Variants in ANXA10 observed in about 807,000 individuals in gnomAD.
ANXA10 encodes annexin 14.
A neutral mutation model predicts 53.5 loss-of-function variants in ANXA10; 49 were observed. The observed-to-expected ratio is 0.92, with a 90% confidence interval of 0.73 to 1.16. The LOEUF (loss-of-function observed/expected upper bound fraction) is 1.16. ANXA10 is among the 50% of genes most tolerant of loss of function. The probability of loss-of-function intolerance (pLI) is 0.00; values close to 1 mark genes in which losing one functional copy is unlikely to be tolerated. For synonymous variants in ANXA10, 131 were observed against 128.9 expected (o/e 1.02, Z -0.11); for missense variants, 393 against 394.4 (o/e 1.00, Z 0.03).
At chr4:168,109,357 C>A (rs1036799117) in intron 1 of ANXA10, among the ~76,000 whole-genome samples, 4 of 152,118 alleles carry the variant, frequency 2.6e-5, no homozygotes, top group Non-Finnish European at 5.9e-5. Flanking sequence ...CATATGTGCT[C>A]AAGTTTTTTT....
intron 1 of ANXA10, among the ~76,000 whole-genome samples, chr4:168,106,644 A>G (rs1343907748): frequency 6.6e-6 from 1 of 152,180 alleles, no homozygotes; most frequent in Admixed American, 6.5e-5. Context: ...TTTGTACAGC[A>G]AGGAACAAAG....
At chr4:168,103,577 T>G (rs1389158828) in intron 1 of ANXA10, among the ~76,000 whole-genome samples, 2 of 151,960 alleles carry the variant, frequency 1.3e-5, no homozygotes, top group African/African-American at 4.8e-5. Context: ...TAATAATTCT[T>G]AAAATCAGTT....
intron 5 of ANXA10, among the ~76,000 whole-genome samples, chr4:168,164,642 C>T (rs962952696): frequency 1.8e-4 from 28 of 152,288 alleles, no homozygotes; most frequent in Admixed American, 1.0e-3. Context: ...AATAATGGCT[C>T]AGTGAATTCT....
rs762400316 is a variant in ANXA10 at position 168,139,549 on chromosome 4, T to C, written c.164T>C (p.Ile55Thr). 6.2e-7 allele frequency: 1 copy of C among 1,612,662 alleles called. No homozygotes were observed. The highest frequency in any genetic ancestry group is 8.5e-7 in the Non-Finnish European group (1 of 1,178,890). The stretch of plus-strand genomic sequence containing the variant: ...CGCTGCAATGCACAAAGGATGATGA[T>C]TGCAGAGGCATACCAGAGCATGTAT... ...TQRCNAQRMMIAEAYQSMYGR... is the reference protein window; with the variant it reads ...TQRCNAQRMMTAEAYQSMYGR... Residue 55 changes from isoleucine to threonine, a missense_variant, in exon 3 of 12, where the codon ATT becomes ACT. Transcript: ENST00000359299.
intron 10 of ANXA10, 22 bp from the exon 11 acceptor site, chr4:168,184,537 C>T (rs1732325545): frequency 6.2e-7 from 1 of 1,612,674 alleles, no homozygotes; most frequent in Non-Finnish European, 8.5e-7. Context: ...TCTCATTTCT[C>T]CCACTTTTCT....
At chr4:168,168,357 G>A (rs1016642802) in intron 6 of ANXA10, among the ~76,000 whole-genome samples, 23 of 152,202 alleles carry the variant, frequency 1.5e-4, no homozygotes, top group Admixed American at 7.9e-4. Context: ...CAAAGGTAGT[G>A]AAGTTATTTG....
At chr4:168,106,939 T>G (rs1382475813) in intron 1 of ANXA10, among the ~76,000 whole-genome samples, 1 of 152,114 alleles carries the variant, frequency 6.6e-6, no homozygotes, top group Non-Finnish European at 1.5e-5. Context: ...CATATAAAAG[T>G]TCCTGATATT....
chr4:168,095,782 G>T (rs1730531174), intron 1 of ANXA10, among the ~76,000 whole-genome samples: 1 of 152,120 alleles, frequency 6.6e-6, no homozygotes, highest in Non-Finnish European at 1.5e-5. Flanking sequence ...GCCAGTAGGT[G>T]ACAGATACAG....
At chr4:168,131,417 T>C (rs965145975) in intron 2 of ANXA10, among the ~76,000 whole-genome samples, 4 of 152,008 alleles carry the variant, frequency 2.6e-5, no homozygotes, top group Non-Finnish European at 5.9e-5. Flanking sequence ...TAATGCTCCA[T>C]GTAACTTGAG....
intron 1 of ANXA10, among the ~76,000 whole-genome samples, chr4:168,104,220 G>T (rs1159227668): frequency 6.6e-6 from 1 of 151,764 alleles, no homozygotes; most frequent in Non-Finnish European, 1.5e-5. Flanking sequence ...TGAATGTTGT[G>T]CCAGTCCTGC....
In ANXA10 at chr4:168,174,455, G is replaced by A. The variant is rs549434283; in HGVS notation, c.481-3285G>A. ...AGCCAGCTGGACCCCATGCTCACTC[G>A]CTCACACATCCCCTCACTCTGCGGG... On this transcript the variant is annotated intron_variant, in intron 6 of 11. Transcript: ENST00000359299. Among the ~76,000 whole-genome samples the A allele has an allele frequency of 2.2e-3, 333 of 152,214 alleles. 1 individual carries two copies. Among genetic ancestry groups the A allele is most frequent in the African/African-American group, 7.5e-3 (313 of 41,526 alleles).
chr4:168,136,673 C>T (rs549922090), intron 2 of ANXA10, among the ~76,000 whole-genome samples: 3 of 152,338 alleles, frequency 2.0e-5, no homozygotes, highest in Non-Finnish European at 2.9e-5. Context: ...CCCACGGCTA[C>T]TCTCAAGGGC....
At chr4:168,171,471 T>C (rs537132997) in intron 6 of ANXA10, among the ~76,000 whole-genome samples, 1 of 152,300 alleles carries the variant, frequency 6.6e-6, no homozygotes, top group East Asian at 1.9e-4. Flanking sequence ...AAAGGAAAGA[T>C]GACCCATGGT....
At chr4:168,117,927 ACTCACTCACTCCCTCC>A (rs1232807836) in intron 1 of ANXA10, among the ~76,000 whole-genome samples, 6 of 146,852 alleles carry the variant, frequency 4.1e-5, no homozygotes, top group Non-Finnish European at 8.9e-5. Context: ...TCACTCACTC[ACTCACTCACTCCCTCC>A]CTCCCTCACA....
At chr4:168,145,129 T>C (rs951788072) in intron 3 of ANXA10, among the ~76,000 whole-genome samples, 2 of 152,146 alleles carry the variant, frequency 1.3e-5, no homozygotes, top group Non-Finnish European at 2.9e-5. Context: ...CAAGACCAGA[T>C]GAGCCAGCTT....
intron 2 of ANXA10, among the ~76,000 whole-genome samples, chr4:168,129,925 T>C (rs1173191748): frequency 2.0e-5 from 3 of 152,192 alleles, no homozygotes; most frequent in East Asian, 3.8e-4. Context: ...GTGTAATTGC[T>C]AGGTCAGCCC....
At chr4:168,156,836 T>C (rs1731693752) in intron 3 of ANXA10, among the ~76,000 whole-genome samples, 1 of 152,036 alleles carries the variant, frequency 6.6e-6, no homozygotes, top group Non-Finnish European at 1.5e-5. Context: ...TTGGTGATGT[T>C]TGGCTGGAGT....
chr4:168,132,651 G>A (rs563103325), intron 2 of ANXA10, among the ~76,000 whole-genome samples: 1 of 152,108 alleles, frequency 6.6e-6, no homozygotes. Flanking sequence ...CAACTCAATG[G>A]ATAAATGCTT....
chr4:168,162,826 C>T (rs565472425), intron 4 of ANXA10, among the ~76,000 whole-genome samples, 185 bp downstream of exon 4: 5 of 152,238 alleles, frequency 3.3e-5, no homozygotes, highest in African/African-American at 1.2e-4. Context: ...AAGGTGGAGC[C>T]TCCTGGGCTG....
Sources: allele counts gnomAD v4.1 joint callset (sites outside exome capture counted in the v4.1 genomes callset), GRCh38; gene constraint gnomAD v4.1.1; transcripts MANE v1.5; gene names NCBI Gene and HGNC (gene_info 2026-07-23, HGNC 2026-07-21).